The following EPHA6 variants were observed in gnomAD, a reference collection of about 807,000 sequenced individuals.
EPHA6 encodes EPH receptor A6, also known as ephrin type-A receptor 6.
EPHA6 carries 50 observed loss-of-function variants against 112.0 expected under a neutral mutation model. The ratio of observed to expected loss-of-function variants is 0.45; its 90% confidence interval spans 0.36 to 0.56. EPHA6 has a LOEUF of 0.56. Ranked by LOEUF, EPHA6 falls within the 20% of genes least tolerant of loss-of-function variation. EPHA6 has a pLI of 0.00. For missense variants in EPHA6, 1,280 were observed against 1,417.4 expected (o/e 0.90, Z 1.56); for synonymous variants, 529 against 490.7 (o/e 1.08, Z -1.03).
chr3:96,982,873 C>T (rs537639126), intron 2 of EPHA6, among the ~76,000 whole-genome samples: 22 of 152,242 alleles, frequency 1.4e-4, no homozygotes, highest in African/African-American at 4.6e-4. Flanking sequence ...ACTAGGATTG[C>T]AACCCCTGCC....
chr3:97,183,639 G>T (rs2077048570), intron 3 of EPHA6, among the ~76,000 whole-genome samples: 1 of 151,880 alleles, frequency 6.6e-6, no homozygotes, highest in Non-Finnish European at 1.5e-5. Context: ...TAAACATAAT[G>T]GCCTCACTTT....
At chr3:97,446,696 T>A (rs1354356686) in intron 6 of EPHA6, among the ~76,000 whole-genome samples, 1 of 152,190 alleles carries the variant, frequency 6.6e-6, no homozygotes, top group Non-Finnish European at 1.5e-5. Context: ...CTCTTGTATA[T>A]GAGATTGAAA....
intron 5 of EPHA6, among the ~76,000 whole-genome samples, chr3:97,302,752 A>C (rs1376827746): frequency 6.6e-6 from 1 of 152,060 alleles, no homozygotes; most frequent in Admixed American, 6.6e-5. Flanking sequence ...ATAATATTTT[A>C]TCTTTCCCAC....
intron 5 of EPHA6, among the ~76,000 whole-genome samples, chr3:97,368,140 A>G (rs2084845455): frequency 6.6e-6 from 1 of 152,208 alleles, no homozygotes; most frequent in South Asian, 2.1e-4. Context: ...ATAATATTAT[A>G]AAGAATTGAA....
At position 97,444,944 on chromosome 3, in the gene EPHA6, G is replaced by A. The variant is rs150098073; in HGVS notation, c.1732-3624G>A. On this transcript the variant is annotated intron_variant, in intron 6 of 17. Transcript: ENST00000389672. ...GATTCTCAGCATCTTGGAAGGAGCAGTGCCTAAATATAAGTGCCAGGGTCT... is the reference window on the plus strand; with the variant it reads ...GATTCTCAGCATCTTGGAAGGAGCAATGCCTAAATATAAGTGCCAGGGTCT... Among the ~76,000 whole-genome samples, 37 of 152,150 alleles carry A rather than the reference G, an allele frequency of 2.4e-4. No homozygotes were observed. In the East Asian group the frequency reaches 7.0e-3, roughly 29 times the overall value.
chr3:97,543,877 C>T (rs1028561481), intron 11 of EPHA6, among the ~76,000 whole-genome samples: 10 of 152,032 alleles, frequency 6.6e-5, no homozygotes, highest in Non-Finnish European at 1.5e-4. Flanking sequence ...GGAGTTCACT[C>T]ATGATTTGGC....
chr3:97,434,795 G>A lies in EPHA6; in HGVS notation c.1732-13773G>A, dbSNP rs141527862. ...CAATCTGGACCTCAACTGGGATGGC[G>A]AAACAATGGCTGGTGGCTGGAACAC... On this transcript the variant is annotated intron_variant, in intron 6 of 17. Transcript: ENST00000389672. Among the ~76,000 whole-genome samples, 921 of 152,148 alleles carry A rather than the reference G, an allele frequency of 6.1e-3. 12 individuals carry two copies. Among genetic ancestry groups the A allele is most frequent in the African/African-American group, 0.02 (847 of 41,502 alleles).
chr3:97,189,177 T>TTAAAAAA (rs1215700979), intron 3 of EPHA6, among the ~76,000 whole-genome samples: 1 of 152,002 alleles, frequency 6.6e-6, no homozygotes, highest in Non-Finnish European at 1.5e-5. Context: ...ATTTCTGTCT[T>TTAAAAAA]TAAAAAATAA....
intron 6 of EPHA6, among the ~76,000 whole-genome samples, chr3:97,435,585 C>T (rs2089781945): frequency 1.3e-5 from 2 of 152,076 alleles, no homozygotes; most frequent in South Asian, 2.1e-4. Context: ...GAGATTTCTG[C>T]CTGACCAAGG....
chr3:97,736,466 A>AGTGTGT (rs1221270225), intron 16 of EPHA6, among the ~76,000 whole-genome samples: 3 of 111,918 alleles, frequency 2.7e-5, no homozygotes, highest in Admixed American at 9.4e-5. Context: ...AGAGAGAGAG[A>AGTGTGT]GAGAGTGTGT....
chr3:97,714,930 A>G (rs371019451), intron 14 of EPHA6, among the ~76,000 whole-genome samples: 6 of 152,368 alleles, frequency 3.9e-5, no homozygotes, highest in African/African-American at 9.6e-5. Flanking sequence ...CAAATAACCA[A>G]TGGTTACCCA....
intron 3 of EPHA6, among the ~76,000 whole-genome samples, chr3:97,085,625 A>G (rs766798273): frequency 5.3e-5 from 8 of 152,060 alleles, no homozygotes; most frequent in Non-Finnish European, 8.8e-5. Context: ...TAGACCTTAA[A>G]CTTTTATCCA....
intron 11 of EPHA6, among the ~76,000 whole-genome samples, chr3:97,583,009 G>A (rs2093453939): frequency 6.7e-6 from 1 of 150,178 alleles, no homozygotes; most frequent in Admixed American, 6.7e-5. Context: ...GGCAGCTTTG[G>A]AAAACTACAA....
chr3:97,007,728 C>T (rs2043939036), intron 3 of EPHA6, among the ~76,000 whole-genome samples: 1 of 152,114 alleles, frequency 6.6e-6, no homozygotes, highest in Non-Finnish European at 1.5e-5. Flanking sequence ...TATGTTTTTG[C>T]AGTGGCAGGT....
At chr3:97,339,144 T>G (rs2083192424) in intron 5 of EPHA6, among the ~76,000 whole-genome samples, 1 of 152,150 alleles carries the variant, frequency 6.6e-6, no homozygotes, top group Non-Finnish European at 1.5e-5. Context: ...ACAAACCACT[T>G]AGTCAAGGGA....
chr3:97,426,242 C>G (rs1467881396), intron 6 of EPHA6, among the ~76,000 whole-genome samples: 1 of 152,164 alleles, frequency 6.6e-6, no homozygotes, highest in Non-Finnish European at 1.5e-5. Flanking sequence ...CTTATTAACT[C>G]ACAGTTCCAT....
At chr3:96,981,544 G>A (rs1331653346) in intron 2 of EPHA6, among the ~76,000 whole-genome samples, 1 of 151,968 alleles carries the variant, frequency 6.6e-6, no homozygotes, top group South Asian at 2.1e-4. Context: ...CGAGGCTTTA[G>A]TATCAAGATG....
chr3:97,557,682 T>C (rs571523341), intron 11 of EPHA6, among the ~76,000 whole-genome samples: 2 of 152,030 alleles, frequency 1.3e-5, no homozygotes, highest in African/African-American at 4.8e-5. Flanking sequence ...CTCATTTTTA[T>C]TTCTCTCCTG....
intron 14 of EPHA6, among the ~76,000 whole-genome samples, chr3:97,650,414 C>T (rs936591525): frequency 6.6e-6 from 1 of 151,936 alleles, no homozygotes; most frequent in Non-Finnish European, 1.5e-5. Flanking sequence ...CCTGAAAAGC[C>T]CTCATCTATG....
Sources: gnomAD v4.1 joint callset for allele counts (sites outside exome capture counted in the v4.1 genomes callset) on GRCh38, gnomAD v4.1.1 for gene constraint, MANE v1.5 for transcripts, NCBI Gene and HGNC (gene_info 2026-07-23, HGNC 2026-07-21) for gene names.